Variants in HS6ST2 observed in about 807,000 individuals in gnomAD.
HS6ST2 encodes heparan sulfate 6-O-sulfotransferase 2.
Under a neutral mutation model 33.0 loss-of-function variants are expected in HS6ST2, and 17 were observed. The ratio of observed to expected loss-of-function variants is 0.52; its 90% CI spans 0.35 to 0.77. The LOEUF (loss-of-function observed/expected upper bound fraction) is 0.77. HS6ST2 is among the 30% of genes least tolerant of loss of function. The probability of loss-of-function intolerance (pLI) is 0.01; values close to 1 mark genes in which losing one functional copy is unlikely to be tolerated. For missense variants in HS6ST2, 519 were observed against 551.7 expected (o/e 0.94, Z 0.59); for synonymous variants, 248 against 237.1 (o/e 1.05, Z -0.42).
intron 2 of HS6ST2, among the ~76,000 whole-genome samples, chrX:132,869,597 C>T (rs994290805): frequency 1.1e-4 from 12 of 112,114 alleles, no homozygotes; most frequent in Non-Finnish European, 2.1e-4. Context: ...TCCTGGGAAG[C>T]AAGGCTGGTT....
chrX:132,643,122 T>C (rs2063613957), intron 4 of HS6ST2, among the ~76,000 whole-genome samples: 1 of 112,461 alleles, frequency 8.9e-6, no homozygotes. Flanking sequence ...TAGACAGCTA[T>C]GCGTGTTGTA....
chrX:132,744,155 CA>C (rs1448691367), intron 2 of HS6ST2, among the ~76,000 whole-genome samples: 2 of 111,918 alleles, frequency 1.8e-5, no homozygotes, highest in Non-Finnish European at 3.8e-5. Context: ...GTATATGCAT[CA>C]AGCATTTTTC....
At chrX:132,860,241 T>C (rs990887294) in intron 2 of HS6ST2, among the ~76,000 whole-genome samples, 1 of 112,070 alleles carries the variant, frequency 8.9e-6, no homozygotes, top group African/African-American at 3.2e-5. Flanking sequence ...TGGCATATTG[T>C]CAGTCTGTAG....
rs748643049 is a variant in HS6ST2, at chrX:132,838,154, C to T, written c.947+118654G>A. Among the ~76,000 whole-genome samples, 12 of 111,756 alleles carry T rather than the reference C, an allele frequency of 1.1e-4. No homozygotes were observed. The East Asian group carries it at 2.8e-3, about 26-fold the overall frequency. On this transcript the variant is annotated intron_variant, in intron 2 of 4. Transcript: ENST00000370833. ...TGAACACAAGCTCTCCCCGCCCACC[C>T]ACTTCACCAGATCCTGGCAGGCCTA...
Position 132,728,155 on chromosome X carries a change from T to C in HS6ST2, c.948-19661A>G, listed in dbSNP as rs145218034. On this transcript the variant is annotated intron_variant, in intron 2 of 4. Transcript: ENST00000370833. ...TGTGTTTTCATTTCTCTTAGATATA[T>C]ACCTAAGAGTAGAATTGCCGGATCA... 2.4e-3 allele frequency among the ~76,000 whole-genome samples: 269 copies of C among 112,388 alleles called. 2 individuals are homozygous for C. Among genetic ancestry groups the C allele is most frequent in the Non-Finnish European group, 4.6e-3 (245 of 53,288 alleles).
At chrX:132,894,252 G>A (rs1390019379) in intron 2 of HS6ST2, among the ~76,000 whole-genome samples, 1 of 94,898 alleles carries the variant, frequency 1.1e-5, no homozygotes, top group Non-Finnish European at 2.1e-5. Context: ...AGCGATTCTT[G>A]TACCTCAGCC....
chrX:132,922,920 G>A (rs982678927), intron 2 of HS6ST2, among the ~76,000 whole-genome samples: 8 of 110,043 alleles, frequency 7.3e-5, no homozygotes, highest in African/African-American at 2.0e-4. Context: ...AAAATTAGCC[G>A]GGCGTGGTAG....
chrX:132,794,882 G>A (rs1427728060), intron 2 of HS6ST2, among the ~76,000 whole-genome samples: 2 of 110,104 alleles, frequency 1.8e-5, no homozygotes, highest in Non-Finnish European at 3.8e-5. Flanking sequence ...GGCACCCATC[G>A]CAAGGTCCTT....
At chrX:132,746,227 A>C in intron 2 of HS6ST2, among the ~76,000 whole-genome samples, 1 of 111,656 alleles carries the variant, frequency 9.0e-6, no homozygotes, top group Non-Finnish European at 1.9e-5. Flanking sequence ...ATTAAAAGTA[A>C]GGGCGGCCGG....
At chrX:132,848,573 G>A (rs866001117) in intron 2 of HS6ST2, among the ~76,000 whole-genome samples, 3 of 111,707 alleles carry the variant, frequency 2.7e-5, no homozygotes, top group East Asian at 5.6e-4. Flanking sequence ...ATAGATGAGC[G>A]CCATGGACTC....
At position 132,756,074 on chromosome X, in the gene HS6ST2, T is replaced by C. The variant is rs539995350; in HGVS notation, c.948-47580A>G. Among the ~76,000 whole-genome samples the C allele has an allele frequency of 3.7e-4, 41 of 112,106 alleles. 1 individual carries two copies. In the South Asian group the frequency reaches 0.015, roughly 41 times the overall value. On this transcript the variant is annotated intron_variant, in intron 2 of 4. Transcript: ENST00000370833. ...GCCCAGCCCTCCAAAATCATGACAA[T>C]GATCTACTTCTGGTGTTTGGCAACC...
chrX:132,786,062 G>C lies in HS6ST2; in HGVS notation c.948-77568C>G, dbSNP rs1451300702. On this transcript the variant is annotated intron_variant, in intron 2 of 4. Transcript: ENST00000370833. ...TCTCAGTTCCCTCATCTGTAAATGG[G>C]AATCATAATAGTTTCTACTTCACTG... 3.6e-5 allele frequency among the ~76,000 whole-genome samples: 4 copies of C among 111,889 alleles called. No homozygotes were observed. The Admixed American group carries it at 3.8e-4, about 11-fold the overall frequency.
In HS6ST2 at chrX:132,957,189, G is replaced by A. The variant is rs1157677430; in HGVS notation, c.566C>T (p.Pro189Leu). ...QLLRLQAFSS[P>L]VPDPYRSEDE... ...CTCCGAGCGGTACGGGTCCGGCACC[G>A]GGGAGCTGAACGCCTGCAGGCGGAG... is the stretch of plus-strand genomic sequence containing the variant. Residue 189 changes from proline to leucine, a missense_variant, in exon 2 of 5, where the codon CCG becomes CTG. Physicochemically the swap from Pro to Leu is moderately conservative, Grantham distance 98. Coordinates refer to ENST00000370833, the MANE Select transcript of HS6ST2 (RefSeq NM_001394073.1). 4.1e-6 allele frequency: 5 copies of A among 1,211,478 alleles called. No individual in the cohort carries two copies. In the Admixed American group the frequency reaches 6.5e-5, roughly 16 times the overall value.
chrX:132,787,179 A>ATGTGTATATATATATGTG (rs1206558764), intron 2 of HS6ST2, among the ~76,000 whole-genome samples: 4 of 81,931 alleles, frequency 4.9e-5, no homozygotes, highest in African/African-American at 1.6e-4. Context: ...ATATATATAT[A>ATGTGTATATATATATGTG]TATATATACA....
intron 2 of HS6ST2, among the ~76,000 whole-genome samples, chrX:132,899,259 T>C (rs1450945109): frequency 9.0e-6 from 1 of 111,527 alleles, no homozygotes; most frequent in Non-Finnish European, 1.9e-5. Context: ...TTATCAGACA[T>C]GCAAAGAATT....
chrX:132,742,545 C>T (rs2064590194), intron 2 of HS6ST2, among the ~76,000 whole-genome samples: 2 of 111,825 alleles, frequency 1.8e-5, no homozygotes, highest in South Asian at 7.5e-4. Context: ...AAAGGACTTC[C>T]CCAAATTGGG....
intron 3 of HS6ST2, among the ~76,000 whole-genome samples, chrX:132,697,946 C>T (rs776664073): frequency 1.8e-5 from 2 of 111,923 alleles, no homozygotes; most frequent in South Asian, 7.5e-4. Context: ...GGCTTCTTCT[C>T]ATTTTACAAA....
intron 2 of HS6ST2, among the ~76,000 whole-genome samples, chrX:132,774,527 T>C (rs769946557): frequency 1.0e-3 from 113 of 111,796 alleles, no homozygotes; most frequent in Non-Finnish European, 1.7e-3. Flanking sequence ...CATGGACGAC[T>C]GAAGTTGAGG....
intron 2 of HS6ST2, among the ~76,000 whole-genome samples, chrX:132,750,740 A>T (rs1348460129): frequency 8.9e-6 from 1 of 111,913 alleles, no homozygotes; most frequent in Non-Finnish European, 1.9e-5. Flanking sequence ...AATCCCCACC[A>T]CCTCTAACCT....
Sources: allele counts gnomAD v4.1 joint callset (sites outside exome capture counted in the v4.1 genomes callset), GRCh38; gene constraint gnomAD v4.1.1; transcripts MANE v1.5; gene names NCBI Gene and HGNC (gene_info 2026-07-23, HGNC 2026-07-21).